RGS7: variants seen among roughly 807,000 people sequenced by gnomAD.
The protein encoded by RGS7 is regulator of G protein signaling 7.
In RGS7, 27 loss-of-function variants were observed where a neutral mutation model predicts 81.1. The ratio of observed to expected loss-of-function variants is 0.33; its 90% CI spans 0.25 to 0.46. The LOEUF (loss-of-function observed/expected upper bound fraction) is 0.46. RGS7 is among the 20% of genes least tolerant of loss of function. RGS7 has a pLI of 1.00. For synonymous variants in RGS7, 208 were observed against 207.7 expected, an observed-to-expected ratio of 1.00 and a Z score of -0.01; for missense variants, 396 against 607.4, an observed-to-expected ratio of 0.65 and a Z score of 3.66.
rs2103052653 is a variant in RGS7, at chr1:240,801,496, T to C, written c.1372A>G (p.Met458Val). ...TTTTCAAAAGATGTTCTGCGATCCA[T>C]TGAGTTTCCAGACTTACGTATGTGG... ...LQAKKKSGNS[M>V]DRRTSFEKFA... Residue 458 changes from methionine (M) to valine (V), a missense_variant, in exon 17 of 19, where the codon ATG (methionine) becomes GTG (valine). Physicochemically the swap from Met to Val is conservative, Grantham distance 21. Coordinates refer to ENST00000440928, the MANE Select transcript of RGS7 (RefSeq NM_001364886.1). The C allele has an allele frequency of 1.2e-6, 2 of 1,608,242 alleles. No homozygotes were observed. Among genetic ancestry groups the C allele is most frequent in the Non-Finnish European group, 1.7e-6 (2 of 1,175,012 alleles).
chr1:241,020,207 CA>C (rs1393049120), intron 3 of RGS7, among the ~76,000 whole-genome samples: 1 of 152,164 alleles, frequency 6.6e-6, no homozygotes, highest in Non-Finnish European at 1.5e-5. Flanking sequence ...GGGGCTCAGT[CA>C]GTGCTATTTG....
chr1:240,927,525 AG>A (rs1411060384), intron 6 of RGS7, among the ~76,000 whole-genome samples: 1 of 152,228 alleles, frequency 6.6e-6, no homozygotes. Flanking sequence ...GTTTTATAAA[AG>A]TATGCTTTAA....
chr1:241,126,130 A>G (rs954648439), intron 2 of RGS7, among the ~76,000 whole-genome samples: 1 of 151,138 alleles, frequency 6.6e-6, no homozygotes. Context: ...TTTCCCATTT[A>G]TATTTATTTA....
chr1:240,997,030 G>A (rs571701829), intron 3 of RGS7, among the ~76,000 whole-genome samples: 11 of 152,228 alleles, frequency 7.2e-5, no homozygotes, highest in African/African-American at 2.6e-4. Context: ...GTTCACTGCA[G>A]CCTCAGCCTC....
At chr1:241,315,703 A>T (rs1355510186) in intron 2 of RGS7, among the ~76,000 whole-genome samples, 1 of 152,158 alleles carries the variant, frequency 6.6e-6, no homozygotes, top group East Asian at 1.9e-4. Context: ...TTTCTAGCCT[A>T]ACTGCCCTGG....
chr1:241,130,338 A>G (rs963402278), intron 2 of RGS7, among the ~76,000 whole-genome samples: 2 of 148,818 alleles, frequency 1.3e-5, no homozygotes, highest in South Asian at 4.1e-4. Flanking sequence ...AGTGATTAAC[A>G]TAAATTAAAA....
At chr1:241,139,902 T>C (rs2103078636) in intron 2 of RGS7, among the ~76,000 whole-genome samples, 1 of 152,396 alleles carries the variant, frequency 6.6e-6, no homozygotes, top group African/African-American at 2.4e-5. Flanking sequence ...GAGTATTGTC[T>C]TGGTGTTTAT....
intron 3 of RGS7, among the ~76,000 whole-genome samples, chr1:241,067,722 C>T (rs2062152454): frequency 6.6e-6 from 1 of 151,920 alleles, no homozygotes; most frequent in Non-Finnish European, 1.5e-5. Flanking sequence ...ACCATGTTGG[C>T]CAGGCTGGTC....
intron 9 of RGS7, among the ~76,000 whole-genome samples, chr1:240,844,014 C>T (rs1180987515): frequency 6.6e-6 from 1 of 152,194 alleles, no homozygotes; most frequent in Non-Finnish European, 1.5e-5. Flanking sequence ...CCCTCAAAGC[C>T]TGTGTGCACG....
intron 2 of RGS7, among the ~76,000 whole-genome samples, chr1:241,107,768 A>G (rs2065215155): frequency 6.6e-6 from 1 of 152,174 alleles, no homozygotes; most frequent in African/African-American, 2.4e-5. Flanking sequence ...TATGAACCCA[A>G]GGAGAAATTC....
chr1:240,896,345 T>A (rs1236495366), intron 6 of RGS7, among the ~76,000 whole-genome samples: 2 of 152,340 alleles, frequency 1.3e-5, no homozygotes. Flanking sequence ...GTTTTAGACA[T>A]GAAGTCCTCG....
intron 14 of RGS7, among the ~76,000 whole-genome samples, chr1:240,810,164 A>T (rs1689592719): frequency 6.6e-6 from 1 of 152,256 alleles, no homozygotes; most frequent in Non-Finnish European, 1.5e-5. Context: ...ACTCTGGGCT[A>T]GGCATCCCTC....
intron 6 of RGS7, among the ~76,000 whole-genome samples, chr1:240,914,105 A>G (rs1370379217): frequency 1.4e-5 from 2 of 139,560 alleles, no homozygotes; most frequent in African/African-American, 5.4e-5. Context: ...TATTCCTGGT[A>G]AGATGTAATG....
chr1:241,294,455 T>G (rs1056321536), intron 2 of RGS7, among the ~76,000 whole-genome samples: 2 of 152,152 alleles, frequency 1.3e-5, no homozygotes, highest in African/African-American at 4.8e-5. Context: ...TACAATAAAA[T>G]AATTTTAAAA....
At chr1:241,343,898 TAAAGA>T (rs2082723493) in intron 2 of RGS7, among the ~76,000 whole-genome samples, 1 of 152,086 alleles carries the variant, frequency 6.6e-6, no homozygotes, top group Non-Finnish European at 1.5e-5. Flanking sequence ...AAAGAAAAAG[TAAAGA>T]AGACTTCTTT....
rs1050201638 is a variant in RGS7, at chr1:240,868,905, T to C, written c.451-53A>G. 116 of 1,513,458 alleles carry C rather than the reference T, an allele frequency of 7.7e-5. No individual in the cohort carries two copies. Among genetic ancestry groups the C allele is most frequent in the Non-Finnish European group, 1.1e-4 (115 of 1,088,370 alleles). 93.8% of individuals were successfully genotyped at this position (1,513,458 alleles called of 1,614,324 possible). A position where few individuals can be genotyped will look rare whatever the true frequency, so the allele number is the denominator to read the frequency against. ...TTTGGTGTTCATTGTCACTGCTCTCTTCTAGCTTAGTTACCACTTGTATTT... is the reference window on the plus strand; with the variant it reads ...TTTGGTGTTCATTGTCACTGCTCTCCTCTAGCTTAGTTACCACTTGTATTT... On this transcript the variant is annotated intron_variant, in intron 7 of 18. Coordinates refer to ENST00000440928, the MANE Select transcript of RGS7 (RefSeq NM_001364886.1). This position sits in a 1 kb window ranked among gnomAD's most constrained non-coding sequence, Gnocchi z 5.1.
chr1:241,017,536 T>G (rs1306914691), intron 3 of RGS7, among the ~76,000 whole-genome samples: 1 of 152,080 alleles, frequency 6.6e-6, no homozygotes, highest in African/African-American at 2.4e-5. Flanking sequence ...TATACGAGTT[T>G]AGTCTTTATT....
At chr1:241,202,473 G>C (rs1005457647) in intron 2 of RGS7, among the ~76,000 whole-genome samples, 5 of 152,190 alleles carry the variant, frequency 3.3e-5, no homozygotes, top group African/African-American at 9.7e-5. Context: ...GGAGCCTTCA[G>C]AATGAAGAGC....
chr1:241,186,622 C>G (rs968641898), intron 2 of RGS7: 1 of 155,120 alleles, frequency 6.4e-6, no homozygotes, highest in Non-Finnish European at 1.4e-5. Context: ...CTCCCAGGTT[C>G]AAACAATTCT....
Sources: allele counts gnomAD v4.1 joint callset (sites outside exome capture counted in the v4.1 genomes callset), GRCh38; gene constraint gnomAD v4.1.1; non-coding constraint Gnocchi (gnomAD v3.1); transcripts MANE v1.5; gene names NCBI Gene and HGNC (gene_info 2026-07-23, HGNC 2026-07-21).